Variants in ZNF618 observed in about 807,000 individuals in gnomAD.
ZNF618 encodes the protein neural precursor cell expressed, developmentally down-regulated 10.
In ZNF618, 34 loss-of-function variants were observed where a neutral mutation model predicts 103.0. That is an observed-to-expected ratio of 0.33 (90% CI 0.25 to 0.44). The LOEUF is 0.44. ZNF618 is among the 20% of genes least tolerant of loss of function. The probability of loss-of-function intolerance (pLI) is 1.00; values close to 1 mark genes in which losing one functional copy is unlikely to be tolerated. For missense variants in ZNF618, 1,059 were observed against 1,295.4 expected (o/e 0.82, Z 2.80); for synonymous variants, 551 against 542.2 (o/e 1.02, Z -0.23).
At chr9:113,888,612 T>C (rs754946924) in intron 1 of ZNF618, among the ~76,000 whole-genome samples, 4 of 152,232 alleles carry the variant, frequency 2.6e-5, no homozygotes, top group Admixed American at 6.5e-5. Flanking sequence ...CTCACTGCCC[T>C]GATGGGACAG....
At chr9:113,877,191 T>C (rs1026206534) in intron 1 of ZNF618, among the ~76,000 whole-genome samples, 1 of 152,068 alleles carries the variant, frequency 6.6e-6, no homozygotes, top group Non-Finnish European at 1.5e-5. Context: ...AGCTGGAATT[T>C]GAATGAATTT....
In ZNF618 at chr9:113,915,900, G is replaced by A. The variant is rs543047041; in HGVS notation, c.33+39487G>A. On this transcript the variant is annotated intron_variant, in intron 1 of 14. Transcript: ENST00000374126. The stretch of plus-strand genomic sequence containing the variant: ...TGCTTTATTCATTACTATGTCCTCT[G>A]TTCCCAGCAAGGGCTAGACATAGTA... Among the ~76,000 whole-genome samples the A allele has an allele frequency of 4.9e-4, 75 of 152,320 alleles. No individual in the cohort carries two copies. The South Asian group carries it at 0.015, about 30-fold the overall frequency.
chr9:113,925,906 A>T (rs903086870), intron 1 of ZNF618, among the ~76,000 whole-genome samples: 4 of 152,170 alleles, frequency 2.6e-5, no homozygotes, highest in Admixed American at 6.5e-5. Context: ...GTTATCTGTT[A>T]GGTAAGAATG....
At chr9:113,876,582 C>T (rs1384077612) in intron 1 of ZNF618, among the ~76,000 whole-genome samples, 169 bp downstream of exon 1, 1 of 150,884 alleles carries the variant, frequency 6.6e-6, no homozygotes, top group Non-Finnish European at 1.5e-5. Context: ...AGCACCCCCC[C>T]GGGCGCTGCG....
intron 10 of ZNF618, among the ~76,000 whole-genome samples, chr9:114,018,435 C>T (rs1179378085): frequency 6.6e-6 from 1 of 152,268 alleles, no homozygotes. Context: ...ACCCAGAATG[C>T]ACTTTCAGTG....
At position 114,054,798 on chromosome 9, in the gene ZNF618, T is replaced by G. The variant is rs1158879299; in HGVS notation, c.*4631T>G. The G allele has an allele frequency of 2.0e-5, 3 of 152,590 alleles. No individual in the cohort carries two copies. Among genetic ancestry groups the G allele is most frequent in the Non-Finnish European group, 4.4e-5 (3 of 68,074 alleles). The allele number at this position is 152,590 out of a possible 1,614,324, so 9.5% of individuals were successfully genotyped here. A position where few individuals can be genotyped will look rare whatever the true frequency, so the allele number is the denominator to read the frequency against. On this transcript the variant is annotated 3_prime_UTR_variant, in exon 15 of 15. Coordinates refer to ENST00000374126, the MANE Select transcript of ZNF618 (RefSeq NM_001318042.2). ...GCTTTTCTTCCTCTCTCATTTGGGTTTGAGGATTGTGGTCGGGGGAGCCCT... is the reference window on the plus strand; with the variant it reads ...GCTTTTCTTCCTCTCTCATTTGGGTGTGAGGATTGTGGTCGGGGGAGCCCT...
chr9:113,957,381 A>G (rs922543378), intron 1 of ZNF618, among the ~76,000 whole-genome samples: 1 of 152,216 alleles, frequency 6.6e-6, no homozygotes, highest in East Asian at 1.9e-4. Flanking sequence ...TAAGTAGCCC[A>G]GGCAGAATTT....
At chr9:114,010,844 T>C (rs1842176179) in intron 9 of ZNF618, among the ~76,000 whole-genome samples, 1 of 152,224 alleles carries the variant, frequency 6.6e-6, no homozygotes, top group Non-Finnish European at 1.5e-5. Context: ...ACTGCTGCTC[T>C]TCCAACCGTG....
At chr9:113,920,405 A>ATT (rs35271347) in intron 1 of ZNF618, among the ~76,000 whole-genome samples, 2 of 142,684 alleles carry the variant, frequency 1.4e-5, no homozygotes, top group African/African-American at 2.6e-5. Context: ...CAGAGTCACA[A>ATT]TTTTTTTTTT....
intron 1 of ZNF618, among the ~76,000 whole-genome samples, chr9:113,962,282 G>C (rs574419638): frequency 2.0e-5 from 3 of 152,132 alleles, no homozygotes; most frequent in Non-Finnish European, 2.9e-5. Context: ...GCACCAACCA[G>C]TATATTCAGA....
intron 1 of ZNF618, among the ~76,000 whole-genome samples, chr9:113,924,913 A>G (rs1832948898): frequency 6.6e-6 from 1 of 151,630 alleles, no homozygotes; most frequent in Non-Finnish European, 1.5e-5. Flanking sequence ...TGTTCTTTTA[A>G]TCTCGTTAGG....
At chr9:114,028,613 G>C in intron 10 of ZNF618, 120 bp from the exon 11 acceptor site, 1 of 1,333,194 alleles carries the variant, frequency 7.5e-7, no homozygotes, top group African/African-American at 1.5e-5. Context: ...GTTCTCTGTG[G>C]CACAAGAAGA....
At chr9:113,905,685 C>T (rs1339365032) in intron 1 of ZNF618, among the ~76,000 whole-genome samples, 1 of 152,234 alleles carries the variant, frequency 6.6e-6, no homozygotes, top group Non-Finnish European at 1.5e-5. Context: ...TCTCCAGCCT[C>T]AGGTGCTTTC....
intron 11 of ZNF618, chr9:114,031,016 C>G (rs548843263): frequency 6.6e-6 from 1 of 152,294 alleles, no homozygotes; most frequent in South Asian, 2.1e-4. Context: ...AGCACCTCCC[C>G]CTAAAGTGAA....
chr9:113,928,857 G>A (rs1451464659), intron 1 of ZNF618, among the ~76,000 whole-genome samples: 1 of 152,150 alleles, frequency 6.6e-6, no homozygotes, highest in Non-Finnish European at 1.5e-5. Flanking sequence ...TCCCTGGGCT[G>A]TGATCTTCAG....
chr9:113,893,122 T>C (rs755744487), intron 1 of ZNF618, among the ~76,000 whole-genome samples: 7 of 152,246 alleles, frequency 4.6e-5, no homozygotes, highest in Non-Finnish European at 1.0e-4. Flanking sequence ...CCTTGTTAGC[T>C]AGACTGGCAT....
At chr9:113,972,887 C>A (rs150281414) in intron 2 of ZNF618, among the ~76,000 whole-genome samples, 1 of 152,016 alleles carries the variant, frequency 6.6e-6, no homozygotes. Context: ...GCCAACATGG[C>A]GAAACCCTGT....
At chr9:113,980,957 C>T (rs980639963) in intron 2 of ZNF618, among the ~76,000 whole-genome samples, 1 of 152,196 alleles carries the variant, frequency 6.6e-6, no homozygotes, top group African/African-American at 2.4e-5. Flanking sequence ...AAGGAGCCGG[C>T]CTGCCAATAT....
intron 1 of ZNF618, among the ~76,000 whole-genome samples, chr9:113,958,193 G>A (rs182546253): frequency 2.4e-4 from 36 of 152,296 alleles, no homozygotes; most frequent in Non-Finnish European, 4.4e-4. Context: ...CAGCCTTGGA[G>A]GCAGGATGGC....
Sources: allele counts gnomAD v4.1 joint callset (sites outside exome capture counted in the v4.1 genomes callset), GRCh38; gene constraint gnomAD v4.1.1; transcripts MANE v1.5; gene names NCBI Gene and HGNC (gene_info 2026-07-23, HGNC 2026-07-21).